Variants in FRAS1 observed in about 807,000 individuals in gnomAD.
FRAS1 encodes the protein Fraser extracellular matrix complex subunit 1.
In FRAS1, 290 loss-of-function variants were observed where a neutral mutation model predicts 435.2. The ratio of observed to expected loss-of-function variants is 0.67; its 90% CI spans 0.61 to 0.73. The LOEUF (loss-of-function observed/expected upper bound fraction) is 0.73, where lower values mean the gene tolerates loss of function less well. Ranked by LOEUF, FRAS1 falls within the 30% of genes least tolerant of loss-of-function variation. The pLI, the probability that FRAS1 is intolerant of heterozygous loss-of-function variation, is 0.00. For missense variants in FRAS1, 4,860 were observed against 5,001.5 expected, an observed-to-expected ratio of 0.97 and a Z score of 0.85; for synonymous variants, 1,800 against 1,851.0, an observed-to-expected ratio of 0.97 and a Z score of 0.71.
intron 61 of FRAS1, 81 bp from the exon 62 acceptor site, chr4:78,507,340 C>A: frequency 8.4e-7 from 1 of 1,194,384 alleles, no homozygotes; most frequent in Non-Finnish European, 1.2e-6. Flanking sequence ...AACATAATGT[C>A]TCAGCAGTGC....
chr4:78,375,931 G>A (rs1731743171), intron 26 of FRAS1, 52 bp downstream of exon 26: 2 of 1,594,632 alleles, frequency 1.3e-6, no homozygotes, highest in Non-Finnish European at 1.7e-6. Flanking sequence ...ATTTCTCTAT[G>A]TGAAGGCTGA....
intron 60 of FRAS1, among the ~76,000 whole-genome samples, chr4:78,497,913 C>T (rs1170793043): frequency 1.3e-5 from 2 of 152,150 alleles, no homozygotes; most frequent in South Asian, 4.1e-4. Context: ...CAAAGTGAAC[C>T]TCTCCCAGGT....
intron 2 of FRAS1, among the ~76,000 whole-genome samples, chr4:78,118,405 C>A (rs1410679932): frequency 6.6e-6 from 1 of 152,220 alleles, no homozygotes; most frequent in Non-Finnish European, 1.5e-5. Context: ...TTTTGTTTGG[C>A]TTTTGGCTAT....
intron 2 of FRAS1, among the ~76,000 whole-genome samples, chr4:78,170,900 C>G (rs1170031013): frequency 6.6e-6 from 1 of 152,074 alleles, no homozygotes; most frequent in Non-Finnish European, 1.5e-5. Context: ...CACCTCCCTC[C>G]TCTCTCATGA....
intron 34 of FRAS1, among the ~76,000 whole-genome samples, chr4:78,423,713 A>G (rs1408483102): frequency 4.6e-5 from 7 of 152,228 alleles, no homozygotes; most frequent in African/African-American, 1.4e-4. Flanking sequence ...AACGGTGGGT[A>G]TAGGCTTCCT....
chr4:78,302,349 A>C (rs1351966703), intron 14 of FRAS1, among the ~76,000 whole-genome samples: 2 of 151,534 alleles, frequency 1.3e-5, no homozygotes, highest in African/African-American at 4.9e-5. Context: ...AGCATGATTT[A>C]TAGTCCTTTG....
At chr4:78,395,219 G>T (rs1357903343) in intron 29 of FRAS1, among the ~76,000 whole-genome samples, 1 of 151,932 alleles carries the variant, frequency 6.6e-6, no homozygotes, top group Non-Finnish European at 1.5e-5. Context: ...GATGGCCAAA[G>T]AAGATACTTG....
chr4:78,503,809 G>A (rs1189221518), intron 61 of FRAS1, among the ~76,000 whole-genome samples: 1 of 152,024 alleles, frequency 6.6e-6, no homozygotes, highest in South Asian at 2.1e-4. Flanking sequence ...GTGATGTTAG[G>A]GTGTCAATTT....
At chr4:78,112,890 A>G (rs966405549) in intron 2 of FRAS1, among the ~76,000 whole-genome samples, 7 of 152,016 alleles carry the variant, frequency 4.6e-5, no homozygotes, top group African/African-American at 1.4e-4. Context: ...GGTTTGTTTC[A>G]TATGTATACA....
At position 78,385,804 on chromosome 4, in the gene FRAS1, G is replaced by A. The variant is rs539690558; in HGVS notation, c.3649-1571G>A. ...GGAGGCTGAGGCAGGAGACTCGCTT[G>A]AACCCGGGAGGCAGAGGTTGCAGTG... is the stretch of plus-strand genomic sequence containing the variant. On this transcript the variant is annotated intron_variant, in intron 28 of 73. Coordinates refer to ENST00000512123, the MANE Select transcript of FRAS1 (RefSeq NM_025074.7). Among the ~76,000 whole-genome samples the A allele has an allele frequency of 2.0e-5, 3 of 151,660 alleles. No homozygotes were observed. In the South Asian group the frequency reaches 6.2e-4, roughly 32 times the overall value.
At chr4:78,079,916 C>G (rs756149637) in intron 2 of FRAS1, among the ~76,000 whole-genome samples, 2 of 152,152 alleles carry the variant, frequency 1.3e-5, no homozygotes, top group Non-Finnish European at 2.9e-5. Context: ...AGCAGATGTT[C>G]TCTACAAGGA....
At chr4:78,254,161 A>C (rs1725681649) in intron 5 of FRAS1, among the ~76,000 whole-genome samples, 1 of 151,766 alleles carries the variant, frequency 6.6e-6, no homozygotes, top group Non-Finnish European at 1.5e-5. Flanking sequence ...TTTTTATTAC[A>C]CTTTGTGGAT....
At chr4:78,225,658 A>G (rs1578195072) in intron 2 of FRAS1, among the ~76,000 whole-genome samples, 1 of 152,278 alleles carries the variant, frequency 6.6e-6, no homozygotes, top group East Asian at 1.9e-4. Context: ...TATCTTCCAC[A>G]TTGCTTACCA....
chr4:78,135,647 G>A (rs1254089767), intron 2 of FRAS1, among the ~76,000 whole-genome samples: 1 of 152,150 alleles, frequency 6.6e-6, no homozygotes, highest in African/African-American at 2.4e-5. Context: ...TTTATTTGGA[G>A]TATGCTAAGG....
At chr4:78,133,994 C>T (rs1419723575) in intron 2 of FRAS1, among the ~76,000 whole-genome samples, 1 of 146,818 alleles carries the variant, frequency 6.8e-6, no homozygotes, top group Non-Finnish European at 1.5e-5. Context: ...GACTCTCGCA[C>T]TGTCGCCCAG....
chr4:78,453,115 T>G (rs938276569), intron 47 of FRAS1, among the ~76,000 whole-genome samples: 3 of 151,900 alleles, frequency 2.0e-5, no homozygotes, highest in African/African-American at 7.3e-5. Context: ...AGATTGAGAG[T>G]TTGTGGAGGA....
chr4:78,172,924 T>C (rs532515290), intron 2 of FRAS1, among the ~76,000 whole-genome samples: 1 of 152,192 alleles, frequency 6.6e-6, no homozygotes, highest in South Asian at 2.1e-4. Context: ...TTAGAGGTGA[T>C]CATATGATAA....
At chr4:78,534,276 C>T (rs1322426675) in intron 70 of FRAS1, among the ~76,000 whole-genome samples, 173 bp from the exon 71 acceptor site, 2 of 152,118 alleles carry the variant, frequency 1.3e-5, no homozygotes, top group Admixed American at 1.3e-4. Flanking sequence ...AAAGAAATAA[C>T]TACCAAATAA....
rs559294812 is a variant in FRAS1 at position 78,196,771 on chromosome 4, G to C, written c.109-40739G>C. ...AAGAAAAACGTATGTGAAGTATTTGGAATAATGTCCTCTTTATCATATAAG... is the reference window on the plus strand; with the variant it reads ...AAGAAAAACGTATGTGAAGTATTTGCAATAATGTCCTCTTTATCATATAAG... On this transcript the variant is annotated intron_variant, in intron 2 of 73. Coordinates refer to ENST00000512123, the MANE Select transcript of FRAS1 (RefSeq NM_025074.7). Among the ~76,000 whole-genome samples, 6 of 152,246 alleles carry C rather than the reference G, an allele frequency of 3.9e-5. No individual in the cohort carries two copies. The South Asian group carries it at 1.2e-3, about 32-fold the overall frequency.
Sources: gnomAD v4.1 joint callset for allele counts (sites outside exome capture counted in the v4.1 genomes callset) on GRCh38, gnomAD v4.1.1 for gene constraint, MANE v1.5 for transcripts, NCBI Gene and HGNC (gene_info 2026-07-23, HGNC 2026-07-21) for gene names.